SENP5: variants seen among roughly 807,000 people sequenced by gnomAD.
SENP5 encodes sentrin-specific protease 5.
SENP5 carries 21 observed loss-of-function variants against 74.2 expected under a neutral mutation model. The ratio of observed to expected loss-of-function variants is 0.28; its 90% CI spans 0.20 to 0.41. SENP5 has a LOEUF of 0.41. Among genes scored for constraint, SENP5 ranks in the 10% least tolerant of loss-of-function variants. The pLI is 1.00. For synonymous variants in SENP5, 311 were observed against 312.7 expected, an observed-to-expected ratio of 0.99 and a Z score of 0.06; for missense variants, 717 against 889.1, an observed-to-expected ratio of 0.81 and a Z score of 2.46.
intron 1 of SENP5, among the ~76,000 whole-genome samples, chr3:196,868,513 G>T (rs1407249455): frequency 2.6e-5 from 4 of 152,262 alleles, no homozygotes; most frequent in African/African-American, 9.6e-5. Flanking sequence ...AGCCCGGTTG[G>T]GCATGAGCGC....
chr3:196,896,384 T>C (rs1041759074), intron 2 of SENP5, among the ~76,000 whole-genome samples: 1 of 152,214 alleles, frequency 6.6e-6, no homozygotes, highest in Non-Finnish European at 1.5e-5. Context: ...AGTTCTACCA[T>C]ATGCTAGTTA....
intron 9 of SENP5, 107 bp downstream of exon 9, chr3:196,929,790 G>A (rs978950273): frequency 1.3e-6 from 1 of 757,894 alleles, no homozygotes. Flanking sequence ...CTAGGTACGA[G>A]CAACGGAGTA....
intron 6 of SENP5, among the ~76,000 whole-genome samples, chr3:196,922,211 T>A (rs1462355980): frequency 6.6e-6 from 1 of 152,222 alleles, no homozygotes; most frequent in African/African-American, 2.4e-5. Context: ...TTTATTACTC[T>A]TAAAAACTTC....
intron 2 of SENP5, among the ~76,000 whole-genome samples, chr3:196,892,048 C>T (rs1326151097): frequency 1.3e-5 from 2 of 151,950 alleles, no homozygotes; most frequent in Non-Finnish European, 2.9e-5. Flanking sequence ...CCTCAGCCTC[C>T]CAAAGTGCTG....
intron 6 of SENP5, among the ~76,000 whole-genome samples, chr3:196,919,073 T>C (rs1309170064): frequency 6.6e-6 from 1 of 151,846 alleles, no homozygotes; most frequent in African/African-American, 2.4e-5. Context: ...AGAGATACCA[T>C]CACAAAGAAG....
At chr3:196,905,161 C>A (rs1714852391) in intron 6 of SENP5, 1 of 152,228 alleles carries the variant, frequency 6.6e-6, no homozygotes, top group Non-Finnish European at 1.5e-5. Flanking sequence ...GCCTCAGCCT[C>A]CCAAAGTGTT....
chr3:196,905,896 G>T (rs1333730832), intron 6 of SENP5, among the ~76,000 whole-genome samples: 2 of 152,098 alleles, frequency 1.3e-5, no homozygotes, highest in Non-Finnish European at 2.9e-5. Context: ...CCACCTAGCA[G>T]CTGCCAGCCA....
At chr3:196,923,899 A>T (rs1260576358) in intron 7 of SENP5, among the ~76,000 whole-genome samples, 1 of 152,222 alleles carries the variant, frequency 6.6e-6, no homozygotes, top group Admixed American at 6.5e-5. Context: ...AACCTAATGG[A>T]ATCAATTGAC....
intron 1 of SENP5, among the ~76,000 whole-genome samples, chr3:196,881,275 C>T (rs1713715704): frequency 6.6e-6 from 1 of 152,104 alleles, no homozygotes; most frequent in Non-Finnish European, 1.5e-5. Flanking sequence ...CTATTATAAA[C>T]AATGCTGCAA....
Position 196,880,713 on chromosome 3 carries a change from C to T in SENP5, c.-31-4438C>T, listed in dbSNP as rs115659525. On this transcript the variant is annotated intron_variant, in intron 1 of 9. Coordinates refer to ENST00000323460, the MANE Select transcript of SENP5 (RefSeq NM_152699.5). ...CTGGAGTGCAATGGCGTGATTTCGGCTCACTGTCACCTGCGCCTCCTGGGT... is the reference window on the plus strand; with the variant it reads ...CTGGAGTGCAATGGCGTGATTTCGGTTCACTGTCACCTGCGCCTCCTGGGT... 2.5e-3 allele frequency among the ~76,000 whole-genome samples: 350 copies of T among 141,652 alleles called. 3 individuals carry two copies. Among genetic ancestry groups the T allele is most frequent in the African/African-American group, 8.6e-3 (324 of 37,784 alleles). The allele number at this position is 141,652 out of a possible 152,430, so 92.9% of individuals were successfully genotyped here.
rs1201710446 is a variant in SENP5 at position 196,933,915 on chromosome 3, T to G, written c.*2992T>G. 1 of 152,168 alleles carries G rather than the reference T, an allele frequency of 6.6e-6. No individual in the cohort carries two copies. The highest frequency in any genetic ancestry group is 2.4e-5 in the African/African-American group (1 of 41,416). The allele number at this position is 152,168 out of a possible 1,614,324, so 9.4% of individuals were successfully genotyped here. A position where few individuals can be genotyped will look rare whatever the true frequency, so the allele number is the denominator to read the frequency against. ...CCGTGCCTGGCCTAAACCTTACGCT[T>G]TTGAGGTTGAGTGCAGGCCTTGTGA... is the stretch of plus-strand genomic sequence containing the variant. On this transcript the variant is annotated 3_prime_UTR_variant, in exon 10 of 10. Coordinates refer to ENST00000323460, the MANE Select transcript of SENP5 (RefSeq NM_152699.5).
At chr3:196,921,235 A>G (rs1020048132) in intron 6 of SENP5, among the ~76,000 whole-genome samples, 5 of 152,202 alleles carry the variant, frequency 3.3e-5, no homozygotes, top group East Asian at 1.9e-4. Context: ...GTAATTTACA[A>G]TATTCTTAGT....
chr3:196,924,334 A>G (rs1257305151), intron 7 of SENP5, among the ~76,000 whole-genome samples: 3 of 152,346 alleles, frequency 2.0e-5, no homozygotes, highest in African/African-American at 7.2e-5. Context: ...AATATGTATG[A>G]TGCAAATAAC....
intron 6 of SENP5, among the ~76,000 whole-genome samples, chr3:196,922,780 C>T (rs1715670177): frequency 6.6e-6 from 1 of 152,290 alleles, no homozygotes; most frequent in East Asian, 1.9e-4. Flanking sequence ...CACCACCACG[C>T]CCGGTTAGTT....
rs1715950556 is a variant in SENP5, at chr3:196,929,636, A to G, written c.2110A>G (p.Ile704Val). The change falls in exon 9 of 10, where the codon ATT becomes GTT. Residue 704 changes from isoleucine (I) to valine (V), a missense_variant. By Grantham distance (29) the Ile-to-Val change is conservative. Transcript: ENST00000323460. ...QGWQTAVTKCIPQQKNDSDCG... is the reference protein window; with the variant it reads ...QGWQTAVTKCVPQQKNDSDCG... The stretch of plus-strand genomic sequence containing the variant: ...ACTATTTTGTTTTTCCCTTCAGTGT[A>G]TTCCACAACAGAAAAACGACAGTGA... The G allele has an allele frequency of 6.3e-7, 1 of 1,594,286 alleles. No individual in the cohort carries two copies. Among genetic ancestry groups the G allele is most frequent in the Non-Finnish European group, 8.6e-7 (1 of 1,163,766 alleles).
At chr3:196,871,315 G>A (rs1018105531) in intron 1 of SENP5, among the ~76,000 whole-genome samples, 1 of 152,148 alleles carries the variant, frequency 6.6e-6, no homozygotes, top group Non-Finnish European at 1.5e-5. Context: ...TAATTCTGAA[G>A]TTTTAGTTGT....
At chr3:196,904,813 AAATG>A (rs1382067589) in intron 6 of SENP5, 11 of 152,190 alleles carry the variant, frequency 7.2e-5, no homozygotes, top group African/African-American at 2.7e-4. Context: ...TAAAAAATAA[AAATG>A]AAGACATTAG....
intron 2 of SENP5, among the ~76,000 whole-genome samples, chr3:196,889,204 A>C (rs1560145228): frequency 6.6e-6 from 1 of 151,746 alleles, no homozygotes; most frequent in African/African-American, 2.4e-5. Flanking sequence ...AAAAAAAAAA[A>C]CAACACCAAA....
chr3:196,885,163 C>CAGAAAAA lies in SENP5; in HGVS notation c.-19_-18insAGAAAAA. ...CTCTTCTTTACAGCTGCATCCAGAT[C>CAGAAAAA]TCATTATGCATCAGAAAAATGAAAA... On this transcript the variant is annotated 5_prime_UTR_variant, in exon 2 of 10. Transcript: ENST00000323460. 1.3e-6 allele frequency: 2 copies of CAGAAAAA among 1,576,928 alleles called. No homozygotes were observed. Among genetic ancestry groups the CAGAAAAA allele is most frequent in the Non-Finnish European group, 1.7e-6 (2 of 1,153,892 alleles).
Sources: gnomAD v4.1 joint callset for allele counts (sites outside exome capture counted in the v4.1 genomes callset) on GRCh38, gnomAD v4.1.1 for gene constraint, MANE v1.5 for transcripts, NCBI Gene and HGNC (gene_info 2026-07-23, HGNC 2026-07-21) for gene names.